Variants in HMGA2 observed in about 807,000 individuals in gnomAD.
HMGA2 encodes high mobility group protein HMGI-C.
HMGA2 carries 8 observed loss-of-function variants against 19.1 expected under a neutral mutation model. That is an observed-to-expected ratio of 0.42 (90% CI 0.25 to 0.76). The LOEUF (loss-of-function observed/expected upper bound fraction) is 0.76. HMGA2 is among the 30% of genes least tolerant of loss of function. The pLI is 0.28. For synonymous variants in HMGA2, 60 were observed against 48.8 expected, an observed-to-expected ratio of 1.23 and a Z score of -0.96; for missense variants, 109 against 136.3, an observed-to-expected ratio of 0.80 and a Z score of 1.00.
intron 3 of HMGA2, among the ~76,000 whole-genome samples, chr12:65,878,771 C>A (rs151286645): frequency 2.6e-5 from 4 of 152,246 alleles, no homozygotes; most frequent in South Asian, 4.1e-4. Context: ...TAATGACTTG[C>A]AAGGAATGCA....
chr12:65,963,216 G>A (rs1446551089), intron 4 of HMGA2, 29 bp from the exon 5 acceptor site: 7 of 1,611,196 alleles, frequency 4.3e-6, no homozygotes, highest in Non-Finnish European at 5.9e-6. Flanking sequence ...ACGATTGAGC[G>A]TCATGGCTGT....
chr12:65,877,703 G>A (rs1012841727), intron 3 of HMGA2, among the ~76,000 whole-genome samples: 4 of 151,986 alleles, frequency 2.6e-5, no homozygotes, highest in African/African-American at 7.2e-5. Context: ...GTTTCAGAAT[G>A]AGAACTCTTC....
At chr12:65,926,382 T>G (rs1168725204) in intron 3 of HMGA2, among the ~76,000 whole-genome samples, 2 of 152,186 alleles carry the variant, frequency 1.3e-5, no homozygotes, top group Non-Finnish European at 2.9e-5. Context: ...TTCTCAGTAG[T>G]TTTGCAAATT....
At chr12:65,881,176 A>G (rs1873362109) in intron 3 of HMGA2, 1 of 154,916 alleles carries the variant, frequency 6.5e-6, no homozygotes, top group South Asian at 2.0e-4. Flanking sequence ...CTTTGCCCCC[A>G]AAGTGGAGAT....
At chr12:65,848,875 A>AG (rs1871340178) in intron 3 of HMGA2, among the ~76,000 whole-genome samples, 1 of 152,138 alleles carries the variant, frequency 6.6e-6, no homozygotes, top group African/African-American at 2.4e-5. Flanking sequence ...AAAAAAAAAA[A>AG]GTTTAAGCAT....
intron 4 of HMGA2, among the ~76,000 whole-genome samples, chr12:65,960,284 G>A (rs1470618719): frequency 6.6e-6 from 1 of 152,186 alleles, no homozygotes; most frequent in African/African-American, 2.4e-5. Context: ...GGATGTCGGA[G>A]CCAGCTGCTT....
intron 2 of HMGA2, among the ~76,000 whole-genome samples, chr12:65,834,314 A>T (rs772262758): frequency 8.5e-5 from 13 of 152,300 alleles, no homozygotes; most frequent in Non-Finnish European, 1.6e-4. Flanking sequence ...TCTGCGACTG[A>T]TACCCACAAG....
chr12:65,875,341 A>G (rs1054289446), intron 3 of HMGA2, among the ~76,000 whole-genome samples: 1 of 152,174 alleles, frequency 6.6e-6, no homozygotes, highest in Non-Finnish European at 1.5e-5. Context: ...GCAGTTTATG[A>G]CAACTGTTAG....
intron 3 of HMGA2, among the ~76,000 whole-genome samples, chr12:65,887,066 CTATT>C (rs1873688712): frequency 2.0e-5 from 3 of 152,186 alleles, no homozygotes; most frequent in Non-Finnish European, 4.4e-5. Flanking sequence ...TAACTCCTAT[CTATT>C]TGACAATTTA....
chr12:65,901,834 T>C (rs1874384755), intron 3 of HMGA2, among the ~76,000 whole-genome samples: 1 of 152,084 alleles, frequency 6.6e-6, no homozygotes, highest in Non-Finnish European at 1.5e-5. Context: ...TTTTAGATCC[T>C]TGTTATTCGA....
chr12:65,891,384 G>A (rs886946862), intron 3 of HMGA2, among the ~76,000 whole-genome samples: 8 of 152,142 alleles, frequency 5.3e-5, no homozygotes, highest in African/African-American at 1.4e-4. Context: ...TCCATCAGTA[G>A]TGATTCATGA....
intron 3 of HMGA2, among the ~76,000 whole-genome samples, chr12:65,934,226 A>G (rs2121275744): frequency 6.6e-6 from 1 of 152,292 alleles, no homozygotes. Context: ...ATTTATACAG[A>G]TTTTCAACAG....
chr12:65,842,335 T>G (rs1251265846), intron 3 of HMGA2: 1 of 610,302 alleles, frequency 1.6e-6, no homozygotes, highest in African/African-American at 1.9e-5. Flanking sequence ...ACATAGGTAG[T>G]GCTCAGTAAA....
intron 3 of HMGA2, among the ~76,000 whole-genome samples, chr12:65,886,959 G>A (rs1359134883): frequency 6.6e-6 from 1 of 152,150 alleles, no homozygotes; most frequent in Non-Finnish European, 1.5e-5. Flanking sequence ...AGCAAGACTT[G>A]AACTACAGGT....
chr12:65,838,419 C>A, intron 2 of HMGA2, 100 bp from the exon 3 acceptor site: 4 of 849,098 alleles, frequency 4.7e-6, no homozygotes, highest in Non-Finnish European at 7.6e-6. Flanking sequence ...GATACGTCAT[C>A]TGCAAAGCAG....
chr12:65,844,089 T>C (rs756833913), intron 3 of HMGA2, among the ~76,000 whole-genome samples: 1 of 151,466 alleles, frequency 6.6e-6, no homozygotes, highest in Non-Finnish European at 1.5e-5. Context: ...AACTGCAATG[T>C]TTAGAAAGGG....
At chr12:65,884,404 C>G (rs1032886337) in intron 3 of HMGA2, among the ~76,000 whole-genome samples, 1 of 152,172 alleles carries the variant, frequency 6.6e-6, no homozygotes, top group African/African-American at 2.4e-5. Flanking sequence ...ATTTCAGACA[C>G]TCAGCCTGTA....
chr12:65,887,613 C>T (rs1022033404), intron 3 of HMGA2, among the ~76,000 whole-genome samples: 2 of 152,010 alleles, frequency 1.3e-5, no homozygotes, highest in African/African-American at 4.8e-5. Context: ...GTCCCAGCAA[C>T]TCAGGAGGCT....
intron 3 of HMGA2, among the ~76,000 whole-genome samples, chr12:65,889,172 T>A (rs1592423941): frequency 6.6e-6 from 1 of 152,354 alleles, no homozygotes; most frequent in East Asian, 1.9e-4. Context: ...AATGTTCAAC[T>A]AGACATTTAA....
Sources: allele counts gnomAD v4.1 joint callset (sites outside exome capture counted in the v4.1 genomes callset), GRCh38; gene constraint gnomAD v4.1.1; transcripts MANE v1.5; gene names NCBI Gene and HGNC (gene_info 2026-07-23, HGNC 2026-07-21).